The following COG2 variants were observed in gnomAD, a reference collection of about 807,000 sequenced individuals.
The protein encoded by COG2 is component of oligomeric golgi complex 2, also known as conserved oligomeric Golgi complex subunit 2.
Under a neutral mutation model 90.6 loss-of-function variants are expected in COG2, and 52 were observed. The ratio of observed to expected loss-of-function variants is 0.57; its 90% confidence interval spans 0.46 to 0.72. The LOEUF (loss-of-function observed/expected upper bound fraction) is 0.72. Ranked by LOEUF, COG2 falls within the 30% of genes least tolerant of loss-of-function variation. The pLI is 0.00. For missense variants in COG2, 829 were observed against 891.2 expected (o/e 0.93, Z 0.89); for synonymous variants, 337 against 320.4 (o/e 1.05, Z -0.55).
chr1:230,693,226 T>C lies in COG2; in HGVS notation c.2116-66T>C, dbSNP rs112753704. 16 of 913,594 alleles carry C rather than the reference T, an allele frequency of 1.8e-5. No individual in the cohort carries two copies. In the African/African-American group the frequency reaches 2.0e-4, roughly 11 times the overall value. 56.6% of individuals were successfully genotyped at this position (913,594 alleles called of 1,614,324 possible). A position where few individuals can be genotyped will look rare whatever the true frequency, so the allele number is the denominator to read the frequency against. On this transcript the variant is annotated intron_variant, in intron 17 of 17. Transcript: ENST00000366669. Reference sequence around the variant, plus strand: ...TAGTAGAGGATGAAGATTTTCTTTCTTTTTTTTCCCCCCCCATATTCAGCT... The same window carrying C: ...TAGTAGAGGATGAAGATTTTCTTTCCTTTTTTTCCCCCCCCATATTCAGCT...
chr1:230,666,328 C>T (rs559349959), intron 5 of COG2, among the ~76,000 whole-genome samples: 1 of 152,186 alleles, frequency 6.6e-6, no homozygotes, highest in African/African-American at 2.4e-5. Flanking sequence ...CTCCTTCTGG[C>T]GTTCACTAGG....
intron 12 of COG2, 131 bp downstream of exon 12, chr1:230,685,367 C>A: frequency 2.4e-6 from 2 of 844,562 alleles, no homozygotes; most frequent in Non-Finnish European, 3.6e-6. Flanking sequence ...TCTGACTTCC[C>A]AAGATTGTCT....
chr1:230,675,819 TTTTC>T (rs1662577774), intron 9 of COG2, among the ~76,000 whole-genome samples: 1 of 151,954 alleles, frequency 6.6e-6, no homozygotes, highest in South Asian at 2.1e-4. Flanking sequence ...TCAATTTTTC[TTTTC>T]TTTTTCTTTT....
At chr1:230,646,891 A>G (rs1193228542) in intron 1 of COG2, among the ~76,000 whole-genome samples, 3 of 151,848 alleles carry the variant, frequency 2.0e-5, no homozygotes, top group Non-Finnish European at 4.4e-5. Context: ...TCACTTCCCA[A>G]ATATCTCTGA....
At chr1:230,677,990 A>G (rs1341494203) in intron 9 of COG2, 2 of 985,062 alleles carry the variant, frequency 2.0e-6, no homozygotes, top group Non-Finnish European at 2.4e-6. Context: ...AGTTTGCCCA[A>G]AACCATTTGA....
chr1:230,643,008 G>C (rs562685325), intron 1 of COG2: 63 of 297,330 alleles, frequency 2.1e-4, no homozygotes, highest in South Asian at 1.2e-3. Flanking sequence ...TCGGAAAGAA[G>C]CTTGTGGACC....
In COG2 at chr1:230,675,014, G is replaced by A. The variant is rs750198280; in HGVS notation, c.916G>A (p.Val306Ile). ...GAISSEKGNT[V>I]PGYDFLVNSV... is the part of the protein sequence containing the mutation. ...ATTTTACAGTGAAAAAGGCAATACT[G>A]TTCCTGGATATGACTTTTTGGTGAA... The change falls in exon 9 of 18, where the codon GTT becomes ATT. Residue 306 changes from valine to isoleucine, a missense_variant. Transcript: ENST00000366669. The A allele has an allele frequency of 5.0e-6, 8 of 1,610,302 alleles. No homozygotes were observed. In the African/African-American group the frequency reaches 1.1e-4, roughly 22 times the overall value.
chr1:230,662,040 CCTCTCCTCTT>C (rs1288666184), intron 3 of COG2, among the ~76,000 whole-genome samples: 11 of 151,920 alleles, frequency 7.2e-5, no homozygotes, highest in Non-Finnish European at 2.9e-5. Flanking sequence ...TCCCTCCTCT[CCTCTCCTCTT>C]CTCTCCTCTC....
intron 1 of COG2, among the ~76,000 whole-genome samples, chr1:230,658,855 A>G (rs562075462): frequency 1.4e-4 from 21 of 152,318 alleles, no homozygotes; most frequent in African/African-American, 5.1e-4. Context: ...CAACATCCAT[A>G]TAAAACATGA....
At chr1:230,686,876 A>G in intron 12 of COG2, 59 bp from the exon 13 acceptor site, 1 of 1,119,496 alleles carries the variant, frequency 8.9e-7, no homozygotes, top group Non-Finnish European at 1.3e-6. Context: ...TATGTAATAT[A>G]TAAATGCTCA....
At chr1:230,659,863 C>G (rs1210308970) in intron 2 of COG2, among the ~76,000 whole-genome samples, 3 of 152,284 alleles carry the variant, frequency 2.0e-5, no homozygotes, top group Non-Finnish European at 4.4e-5. Flanking sequence ...TAGTGAAAAA[C>G]AAAGGCTAGC....
Position 230,675,029 on chromosome 1 carries a change from T to G in COG2, c.931T>G (p.Phe311Val). ...EKGNTVPGYD[F>V]LVNSVWPQIV... is the part of the protein sequence containing the mutation. ...AGGCAATACTGTTCCTGGATATGAC[T>G]TTTTGGTGAATTCTGTTTGGCCACA... is the stretch of plus-strand genomic sequence containing the variant. The change falls in exon 9 of 18, where the codon TTT (phenylalanine) becomes GTT (valine). Residue 311 changes from phenylalanine (F) to valine (V), a missense_variant. Physicochemically the swap from Phe to Val is conservative, Grantham distance 50 (BLOSUM62 -1). Transcript: ENST00000366669. 6.2e-7 allele frequency: 1 copy of G among 1,611,952 alleles called. No individual in the cohort carries two copies. The highest frequency in any genetic ancestry group is 8.5e-7 in the Non-Finnish European group (1 of 1,178,890).
intron 9 of COG2, chr1:230,678,623 G>T: frequency 2.2e-6 from 3 of 1,342,556 alleles, no homozygotes; most frequent in Non-Finnish European, 2.9e-6. Context: ...CTGGGGTAGG[G>T]GGCCCTAGAA....
rs148036978 is a variant in COG2 at position 230,687,560 on chromosome 1, C to T, written c.1578+428C>T. On this transcript the variant is annotated intron_variant, in intron 13 of 17. Transcript: ENST00000366669. ...ATATTTTCTGTTGATGTTTAATCTT[C>T]AGCTATACTTTGAAAGTGCTAAAAT... is the stretch of plus-strand genomic sequence containing the variant. Among the ~76,000 whole-genome samples the T allele has an allele frequency of 4.5e-3, 690 of 152,236 alleles. 6 individuals carry two copies. The highest frequency in any genetic ancestry group is 0.016 in the African/African-American group (662 of 41,520).
chr1:230,645,861 C>G (rs114631149), intron 1 of COG2, among the ~76,000 whole-genome samples: 1 of 152,046 alleles, frequency 6.6e-6, no homozygotes, highest in African/African-American at 2.4e-5. Context: ...AGGGTCCATG[C>G]TCCTATGAGA....
chr1:230,656,865 C>T (rs574016185), intron 1 of COG2, among the ~76,000 whole-genome samples: 1 of 152,148 alleles, frequency 6.6e-6, no homozygotes, highest in African/African-American at 2.4e-5. Context: ...GGTTTAAAGT[C>T]TGTGTTATCA....
At chr1:230,652,137 A>T (rs147614947) in intron 1 of COG2, among the ~76,000 whole-genome samples, 2 of 152,266 alleles carry the variant, frequency 1.3e-5, no homozygotes, top group African/African-American at 2.4e-5. Flanking sequence ...GAACAGTTTC[A>T]CTGCTTTACA....
chr1:230,685,271 T>C (rs778964346), intron 12 of COG2, 35 bp downstream of exon 12: 2 of 1,608,418 alleles, frequency 1.2e-6, no homozygotes, highest in Non-Finnish European at 1.7e-6. Flanking sequence ...CCATAATCAA[T>C]ACTGATAAAA....
chr1:230,671,380 T>C, intron 7 of COG2, 136 bp from the exon 8 acceptor site: 2 of 681,326 alleles, frequency 2.9e-6, no homozygotes, highest in South Asian at 1.9e-5. Flanking sequence ...CTTCACTGTT[T>C]AGAAAATGTG....
Sources: allele counts gnomAD v4.1 joint callset (sites outside exome capture counted in the v4.1 genomes callset), GRCh38; gene constraint gnomAD v4.1.1; transcripts MANE v1.5; gene names NCBI Gene and HGNC (gene_info 2026-07-23, HGNC 2026-07-21).